Variants in RFX4 observed in about 807,000 individuals in gnomAD.
RFX4 encodes transcription factor RFX4.
RFX4 carries 10 observed loss-of-function variants against 95.0 expected under a neutral mutation model. That is an observed-to-expected ratio of 0.11 (90% CI 0.06 to 0.18). RFX4 has a LOEUF of 0.18. Among genes scored for constraint, RFX4 ranks in the 10% least tolerant of loss-of-function variants. The pLI, the probability that RFX4 is intolerant of heterozygous loss-of-function variation, is 1.00. For synonymous variants in RFX4, 321 were observed against 340.7 expected, an observed-to-expected ratio of 0.94 and a Z score of 0.64; for missense variants, 640 against 922.0, an observed-to-expected ratio of 0.69 and a Z score of 3.96.
intron 15 of RFX4, among the ~76,000 whole-genome samples, chr12:106,745,203 A>C (rs1040869835): frequency 6.6e-6 from 1 of 152,082 alleles, no homozygotes; most frequent in East Asian, 1.9e-4. Context: ...TTATATTGCT[A>C]TACACTCCCT....
rs1331040637 is a variant in RFX4, at chr12:106,583,619, C to A, written c.43+256C>A. On this transcript the variant is annotated intron_variant, in intron 1 of 17. Coordinates refer to ENST00000392842, the MANE Select transcript of RFX4 (RefSeq NM_213594.3). Reference sequence around the variant, plus strand: ...GCGCGCGCGCGAAGGAGCGCGCTTTCGCTTGCCCTGGACACAAAGTTACGT... The same window carrying A: ...GCGCGCGCGCGAAGGAGCGCGCTTTAGCTTGCCCTGGACACAAAGTTACGT... The A allele has an allele frequency of 1.1e-5, 4 of 367,446 alleles. 1 individual carries two copies. In the East Asian group the frequency reaches 1.6e-4, roughly 15 times the overall value. 22.8% of individuals were successfully genotyped at this position (367,446 alleles called of 1,614,324 possible).
At chr12:106,645,107 A>G (rs919110306) in intron 3 of RFX4, among the ~76,000 whole-genome samples, 6 of 152,154 alleles carry the variant, frequency 3.9e-5, no homozygotes, top group African/African-American at 1.4e-4. Context: ...GCCTAAAATA[A>G]TTGGGGACAC....
At chr12:106,654,079 T>A (rs2040908876) in intron 3 of RFX4, 149 bp from the exon 4 acceptor site, 1 of 1,055,776 alleles carries the variant, frequency 9.5e-7, no homozygotes, top group African/African-American at 1.6e-5. Context: ...TTGGGCAGCT[T>A]GCTTTGTCTT....
chr12:106,648,503 A>G (rs1254435118), intron 3 of RFX4, among the ~76,000 whole-genome samples: 1 of 147,642 alleles, frequency 6.8e-6, no homozygotes, highest in East Asian at 2.0e-4. Flanking sequence ...TTTTTTTTCT[A>G]CATAGTTTAC....
At chr12:106,709,520 C>T (rs1366946934) in intron 9 of RFX4, 90 bp downstream of exon 9, 4 of 924,562 alleles carry the variant, frequency 4.3e-6, no homozygotes, top group East Asian at 5.2e-5. Flanking sequence ...GCAGCAGCTA[C>T]TGTTTACTGG....
intron 15 of RFX4, among the ~76,000 whole-genome samples, chr12:106,744,904 A>G (rs1352592923): frequency 1.3e-5 from 2 of 152,220 alleles, no homozygotes; most frequent in African/African-American, 4.8e-5. Context: ...GATGAAGTCC[A>G]TTGTAAGGGT....
chr12:106,670,122 C>G (rs1393561786), intron 4 of RFX4, among the ~76,000 whole-genome samples: 2 of 152,122 alleles, frequency 1.3e-5, no homozygotes, highest in Non-Finnish European at 2.9e-5. Flanking sequence ...TTAGTTATGA[C>G]TTCAGTTTAT....
chr12:106,620,376 CA>C (rs2040158451), intron 2 of RFX4, among the ~76,000 whole-genome samples: 1 of 152,110 alleles, frequency 6.6e-6, no homozygotes, highest in South Asian at 2.1e-4. Context: ...GGTGACATCA[CA>C]TATCGGTAGG....
At chr12:106,666,967 G>A (rs992412229) in intron 4 of RFX4, among the ~76,000 whole-genome samples, 2 of 151,974 alleles carry the variant, frequency 1.3e-5, no homozygotes, top group African/African-American at 4.8e-5. Context: ...CTTGGTGGCC[G>A]AACATGATAT....
At chr12:106,629,268 C>T (rs1023953397) in intron 2 of RFX4, among the ~76,000 whole-genome samples, 1 of 152,142 alleles carries the variant, frequency 6.6e-6, no homozygotes, top group African/African-American at 2.4e-5. Context: ...CCCAGATGAA[C>T]ACCTGGGCTG....
chr12:106,711,170 C>T (rs940264217), intron 9 of RFX4, among the ~76,000 whole-genome samples: 9 of 152,178 alleles, frequency 5.9e-5, no homozygotes, highest in East Asian at 1.9e-4. Context: ...CTTTTACTCA[C>T]GGTTGATTGA....
intron 3 of RFX4, among the ~76,000 whole-genome samples, chr12:106,651,075 G>C (rs1200292588): frequency 6.6e-6 from 1 of 152,032 alleles, no homozygotes; most frequent in Non-Finnish European, 1.5e-5. Context: ...ATATCCATTT[G>C]TGTGGCATTT....
intron 2 of RFX4, among the ~76,000 whole-genome samples, chr12:106,617,651 A>G (rs963185392): frequency 1.3e-5 from 2 of 152,228 alleles, no homozygotes; most frequent in Non-Finnish European, 1.5e-5. Context: ...CTGTCCCAAC[A>G]TATAGTCTAT....
intron 17 of RFX4, among the ~76,000 whole-genome samples, chr12:106,755,669 G>A (rs186162816): frequency 9.9e-5 from 15 of 152,280 alleles, no homozygotes. Context: ...TTGGTTTAAG[G>A]TTCAGCATAG....
At chr12:106,758,747 T>C (rs761610850) in intron 17 of RFX4, among the ~76,000 whole-genome samples, 1 of 152,198 alleles carries the variant, frequency 6.6e-6, no homozygotes, top group Non-Finnish European at 1.5e-5. Context: ...CCTGGGTAAC[T>C]TGGCAGTGGC....
At chr12:106,704,829 ATGTG>A (rs879890362) in intron 8 of RFX4, among the ~76,000 whole-genome samples, 14 of 151,668 alleles carry the variant, frequency 9.2e-5, no homozygotes, top group Admixed American at 7.2e-4. Context: ...GTGTGTGTGC[ATGTG>A]TGTGTGTGCG....
At chr12:106,662,094 T>C (rs2041086329) in intron 4 of RFX4, 2 of 274,100 alleles carry the variant, frequency 7.3e-6, no homozygotes, top group Admixed American at 7.2e-5. Flanking sequence ...GGGCAATTGC[T>C]AGATTGTATG....
chr12:106,634,948 A>G (rs748808862), intron 2 of RFX4, among the ~76,000 whole-genome samples: 7 of 152,220 alleles, frequency 4.6e-5, no homozygotes, highest in Admixed American at 1.3e-4. Flanking sequence ...ACTCAAGGGC[A>G]AGAGTTTAAT....
In RFX4 at chr12:106,583,258, A is replaced by G; in HGVS notation, c.-63A>G. The G allele has an allele frequency of 6.8e-7, 1 of 1,468,950 alleles. No homozygotes were observed. Among genetic ancestry groups the G allele is most frequent in the Non-Finnish European group, 9.1e-7 (1 of 1,092,914 alleles). The allele number at this position is 1,468,950 out of a possible 1,614,324, so 91.0% of individuals were successfully genotyped here. A position where few individuals can be genotyped will look rare whatever the true frequency, so the allele number is the denominator to read the frequency against. On this transcript the variant is annotated 5_prime_UTR_variant, in exon 1 of 18. Transcript: ENST00000392842. ...CCTCCCTTCCTCCCTGGGCATCTCTAGCACAGGGGATCCCCAAACATCAGG... is the reference window on the plus strand; with the variant it reads ...CCTCCCTTCCTCCCTGGGCATCTCTGGCACAGGGGATCCCCAAACATCAGG...
Sources: allele counts gnomAD v4.1 joint callset (sites outside exome capture counted in the v4.1 genomes callset), GRCh38; gene constraint gnomAD v4.1.1; transcripts MANE v1.5; gene names NCBI Gene and HGNC (gene_info 2026-07-23, HGNC 2026-07-21).